The following DLG2 variants were observed in gnomAD, a reference collection of about 807,000 sequenced individuals.
DLG2 encodes disks large homolog 2.
A neutral mutation model predicts 132.5 loss-of-function variants in DLG2; 45 were observed. The ratio of observed to expected loss-of-function variants is 0.34; its 90% CI spans 0.27 to 0.44. The LOEUF is 0.44. Among genes scored for constraint, DLG2 ranks in the 20% least tolerant of loss-of-function variants. The pLI is 1.00. For synonymous variants in DLG2, 424 were observed against 419.6 expected, an observed-to-expected ratio of 1.01 and a Z score of -0.13; for missense variants, 1,045 against 1,196.9, an observed-to-expected ratio of 0.87 and a Z score of 1.87.
Position 85,324,414 on chromosome 11 carries a change from T to C in DLG2, c.41-39049A>G, listed in dbSNP as rs140853690. Among the ~76,000 whole-genome samples, 323 of 152,320 alleles carry C rather than the reference T, an allele frequency of 2.1e-3. 3 individuals carry two copies. The highest frequency in any genetic ancestry group is 7.4e-3 in the African/African-American group (306 of 41,576). The stretch of plus-strand genomic sequence containing the variant: ...TACTACAGAGTTAGAACTCAAAATG[T>C]ATATGTTGAGTTGAATTTAACACCT... On this transcript the variant is annotated intron_variant, in intron 3 of 27. Coordinates refer to ENST00000376104, the MANE Select transcript of DLG2 (RefSeq NM_001142699.3).
At chr11:85,321,609 G>C (rs1379432775) in intron 3 of DLG2, among the ~76,000 whole-genome samples, 1 of 152,028 alleles carries the variant, frequency 6.6e-6, no homozygotes, top group African/African-American at 2.4e-5. Context: ...TAAACAGGAA[G>C]ATCTAGGTAA....
chr11:84,987,505 C>T (rs777025113), intron 6 of DLG2, among the ~76,000 whole-genome samples: 1 of 152,088 alleles, frequency 6.6e-6, no homozygotes, highest in Non-Finnish European at 1.5e-5. Context: ...ATCACATTAC[C>T]TGATTTCAAA....
chr11:84,869,390 G>A (rs983547117), intron 6 of DLG2, among the ~76,000 whole-genome samples: 1 of 152,118 alleles, frequency 6.6e-6, no homozygotes, highest in African/African-American at 2.4e-5. Context: ...CATGTCACGG[G>A]CAAGATGACA....
At chr11:83,936,621 G>C (rs2081495713) in intron 14 of DLG2, among the ~76,000 whole-genome samples, 1 of 152,132 alleles carries the variant, frequency 6.6e-6, no homozygotes, top group African/African-American at 2.4e-5. Flanking sequence ...GGAGTTTATT[G>C]GAAGATTGAG....
intron 3 of DLG2, among the ~76,000 whole-genome samples, chr11:85,370,192 C>G (rs141122798): frequency 1.2e-4 from 18 of 152,224 alleles, no homozygotes; most frequent in African/African-American, 4.3e-4. Flanking sequence ...AAGCAACTTA[C>G]CAAGTTTTAC....
At chr11:83,547,218 A>G (rs10898135) in intron 19 of DLG2, among the ~76,000 whole-genome samples, 100,040 of 151,978 alleles carry the variant, frequency 0.66, 33,439 homozygotes, top group Middle Eastern at 0.75. Context: ...AGAATAGGAA[A>G]AATTATTTGA....
chr11:84,814,363 C>T (rs925833412), intron 6 of DLG2, among the ~76,000 whole-genome samples: 4 of 152,074 alleles, frequency 2.6e-5, no homozygotes, highest in African/African-American at 7.2e-5. Flanking sequence ...GTAATCTAGG[C>T]TTTTTCTGCT....
At chr11:83,996,757 C>A (rs2094049543) in intron 11 of DLG2, among the ~76,000 whole-genome samples, 1 of 151,948 alleles carries the variant, frequency 6.6e-6, no homozygotes, top group Non-Finnish European at 1.5e-5. Flanking sequence ...GTTGTAGGAC[C>A]TAAAAACCAA....
chr11:84,543,356 C>T (rs1006575621), intron 6 of DLG2, among the ~76,000 whole-genome samples: 2 of 152,116 alleles, frequency 1.3e-5, no homozygotes, highest in Non-Finnish European at 2.9e-5. Context: ...TCCTGACTTC[C>T]CAGATTAGGA....
chr11:85,592,383 G>C (rs1285393643), intron 3 of DLG2, among the ~76,000 whole-genome samples: 8 of 152,088 alleles, frequency 5.3e-5, no homozygotes, highest in Non-Finnish European at 1.5e-5. Context: ...GAACAGTCAA[G>C]ACTTATTTAA....
intron 3 of DLG2, among the ~76,000 whole-genome samples, chr11:85,467,963 T>G (rs1481702382): frequency 6.6e-6 from 1 of 152,198 alleles, no homozygotes; most frequent in African/African-American, 2.4e-5. Flanking sequence ...GTTGGTAGGC[T>G]ATTAATTATT....
intron 6 of DLG2, among the ~76,000 whole-genome samples, chr11:84,685,198 C>A (rs1005197251): frequency 1.1e-4 from 16 of 152,180 alleles, no homozygotes; most frequent in African/African-American, 3.9e-4. Context: ...ATCCACCATA[C>A]CATCCAACTT....
chr11:84,784,688 ATAGT>A lies in DLG2; in HGVS notation c.358-249961_358-249958del, dbSNP rs528752536. Among the ~76,000 whole-genome samples, 37 of 152,254 alleles carry A rather than the reference ATAGT, an allele frequency of 2.4e-4. 1 individual carries two copies. Among genetic ancestry groups the A allele is most frequent in the Middle Eastern group, 6.8e-3 (2 of 294 alleles). ...AACAAAAATTCTTTAAAATCATGAA[ATAGT>A]TAATGAAGATTCAACATTTCTTGGT... On this transcript the variant is annotated intron_variant, in intron 6 of 27. Coordinates refer to ENST00000376104, the MANE Select transcript of DLG2 (RefSeq NM_001142699.3).
At chr11:83,853,949 T>A (rs1344922941) in intron 16 of DLG2, among the ~76,000 whole-genome samples, 2 of 152,250 alleles carry the variant, frequency 1.3e-5, no homozygotes, top group Non-Finnish European at 2.9e-5. Flanking sequence ...CTGTCTTTGT[T>A]CACAGATAAC....
chr11:85,618,550 G>A (rs1216773754), intron 2 of DLG2, among the ~76,000 whole-genome samples: 1 of 152,100 alleles, frequency 6.6e-6, no homozygotes, highest in Non-Finnish European at 1.5e-5. Flanking sequence ...TTACAAGTGG[G>A]AACTAAGAAT....
chr11:83,993,260 A>G (rs2093824434), intron 11 of DLG2, among the ~76,000 whole-genome samples: 1 of 152,182 alleles, frequency 6.6e-6, no homozygotes, highest in South Asian at 2.1e-4. Flanking sequence ...GAAATAATTA[A>G]TGACTAAATT....
intron 6 of DLG2, among the ~76,000 whole-genome samples, chr11:84,834,953 A>C (rs1006088758): frequency 6.6e-6 from 1 of 151,624 alleles, no homozygotes; most frequent in Non-Finnish European, 1.5e-5. Flanking sequence ...AGTTTGGAAA[A>C]TGCTAATACT....
chr11:83,667,426 GT>G (rs2075831253), intron 18 of DLG2, among the ~76,000 whole-genome samples: 1 of 152,092 alleles, frequency 6.6e-6, no homozygotes, highest in South Asian at 2.1e-4. Flanking sequence ...AAACAATTCT[GT>G]TTTTATTTCT....
chr11:84,439,366 T>A (rs938193599), intron 7 of DLG2, among the ~76,000 whole-genome samples: 1 of 152,174 alleles, frequency 6.6e-6, no homozygotes, highest in Non-Finnish European at 1.5e-5. Context: ...ACCGGATACA[T>A]AGGCTGTGGT....
Sources: gnomAD v4.1 joint callset for allele counts (sites outside exome capture counted in the v4.1 genomes callset) on GRCh38, gnomAD v4.1.1 for gene constraint, MANE v1.5 for transcripts, NCBI Gene and HGNC (gene_info 2026-07-23, HGNC 2026-07-21) for gene names.